Variants in MAP4K3 observed in about 807,000 individuals in gnomAD.
The protein encoded by MAP4K3 is MAPK/ERK kinase kinase kinase 3.
MAP4K3 carries 94 observed loss-of-function variants against 143.5 expected under a neutral mutation model. The ratio of observed to expected loss-of-function variants is 0.65; its 90% CI spans 0.55 to 0.78. The LOEUF (loss-of-function observed/expected upper bound fraction) is 0.78, where lower values mean the gene tolerates loss of function less well. Ranked by LOEUF, MAP4K3 falls within the 30% of genes least tolerant of loss-of-function variation. The pLI, the probability that MAP4K3 is intolerant of heterozygous loss-of-function variation, is 0.00. For synonymous variants in MAP4K3, 416 were observed against 347.2 expected (o/e 1.20, Z -2.20); for missense variants, 1,077 against 1,068.1 (o/e 1.01, Z -0.12).
chr2:39,403,417 C>T (rs1244149455), intron 1 of MAP4K3, among the ~76,000 whole-genome samples: 2 of 152,138 alleles, frequency 1.3e-5, no homozygotes, highest in Admixed American at 6.5e-5. Flanking sequence ...TGCCAACGTC[C>T]CCCATCCACC....
chr2:39,268,568 G>A (rs1222727073), intron 26 of MAP4K3, among the ~76,000 whole-genome samples: 1 of 150,138 alleles, frequency 6.7e-6, no homozygotes, highest in East Asian at 2.0e-4. Flanking sequence ...TGATCCGTCC[G>A]CCTCGGACTC....
chr2:39,377,285 T>G (rs1297091699), intron 2 of MAP4K3, among the ~76,000 whole-genome samples: 1 of 148,448 alleles, frequency 6.7e-6, no homozygotes, highest in East Asian at 2.0e-4. Flanking sequence ...AGCTAAAACT[T>G]GTTTCACCAA....
chr2:39,275,990 A>G (rs1681231711), intron 24 of MAP4K3, among the ~76,000 whole-genome samples: 1 of 152,050 alleles, frequency 6.6e-6, no homozygotes, highest in African/African-American at 2.4e-5. Context: ...CTCCTGTCTC[A>G]GCCTCCTGAG....
chr2:39,411,810 T>C (rs1572501541), intron 1 of MAP4K3, among the ~76,000 whole-genome samples: 1 of 152,170 alleles, frequency 6.6e-6, no homozygotes, highest in African/African-American at 2.4e-5. Context: ...ACGTAATGGC[T>C]TGAGGTTCGA....
At chr2:39,412,251 G>A (rs1222920243) in intron 1 of MAP4K3, among the ~76,000 whole-genome samples, 1 of 152,174 alleles carries the variant, frequency 6.6e-6, no homozygotes, top group Non-Finnish European at 1.5e-5. Context: ...GGATCTACAG[G>A]AGATCGCGCC....
At chr2:39,300,029 G>A (rs1682445254) in intron 15 of MAP4K3, among the ~76,000 whole-genome samples, 1 of 152,066 alleles carries the variant, frequency 6.6e-6, no homozygotes, top group Non-Finnish European at 1.5e-5. Context: ...TATATGCAAA[G>A]TTTCATTTTT....
intron 2 of MAP4K3, among the ~76,000 whole-genome samples, chr2:39,369,735 TAA>T (rs1666030258): frequency 6.6e-6 from 1 of 152,174 alleles, no homozygotes; most frequent in South Asian, 2.1e-4. Context: ...CCACCAAATA[TAA>T]GTTAGGCTAC....
Position 39,278,399 on chromosome 2 carries a change from T to C in MAP4K3, c.1794+8A>G, listed in dbSNP as rs1479032506. The C allele has an allele frequency of 4.6e-6, 7 of 1,515,254 alleles. No individual in the cohort carries two copies. Among genetic ancestry groups the C allele is most frequent in the Non-Finnish European group, 5.4e-6 (6 of 1,112,706 alleles). 93.9% of individuals were successfully genotyped at this position (1,515,254 alleles called of 1,614,324 possible). On this transcript the variant is annotated splice_region_variant and intron_variant, in intron 24 of 33. Transcript: ENST00000263881. ...TTAAAAAAAAAAAGAATATACAAAA[T>C]AACATACCTGTTCCATTGATGTTTC... is the stretch of plus-strand genomic sequence containing the variant.
intron 1 of MAP4K3, among the ~76,000 whole-genome samples, chr2:39,410,291 C>A (rs1218871447): frequency 6.6e-6 from 1 of 152,144 alleles, no homozygotes; most frequent in Non-Finnish European, 1.5e-5. Context: ...CCACAAATAG[C>A]CACAATCAAG....
At chr2:39,421,284 C>G (rs1352378601) in intron 1 of MAP4K3, among the ~76,000 whole-genome samples, 1 of 151,938 alleles carries the variant, frequency 6.6e-6, no homozygotes, top group African/African-American at 2.4e-5. Context: ...ACAGTGACTA[C>G]AAGGCATGGG....
intron 12 of MAP4K3, among the ~76,000 whole-genome samples, chr2:39,324,925 G>A (rs1392487245): frequency 6.6e-6 from 1 of 152,122 alleles, no homozygotes; most frequent in Non-Finnish European, 1.5e-5. Flanking sequence ...TTAGTCACTG[G>A]CAAAGTCAAG....
chr2:39,388,497 T>C (rs1666569874), intron 1 of MAP4K3, among the ~76,000 whole-genome samples: 1 of 152,192 alleles, frequency 6.6e-6, no homozygotes, highest in South Asian at 2.1e-4. Context: ...GCCATGGCCT[T>C]AGATTAAACT....
intron 1 of MAP4K3, among the ~76,000 whole-genome samples, chr2:39,407,539 C>CAGAA (rs1667129759): frequency 6.6e-6 from 1 of 152,106 alleles, no homozygotes; most frequent in Admixed American, 6.5e-5. Context: ...TCTGCCTAAA[C>CAGAA]AGGTTTGTTT....
rs1680075068 is a variant in MAP4K3, at chr2:39,249,675, A to G, written c.*943T>C. The G allele has an allele frequency of 6.6e-6, 1 of 152,552 alleles. No individual in the cohort carries two copies. Among genetic ancestry groups the G allele is most frequent in the Admixed American group, 6.5e-5 (1 of 15,272 alleles). 9.4% of individuals were successfully genotyped at this position (152,552 alleles called of 1,614,324 possible). On this transcript the variant is annotated 3_prime_UTR_variant, in exon 34 of 34. Transcript: ENST00000263881. ...TTCCAAGAGAAATTTGAACCACTTCACTCTATGGAATGTTACAGTTCTTCA... is the reference window on the plus strand; with the variant it reads ...TTCCAAGAGAAATTTGAACCACTTCGCTCTATGGAATGTTACAGTTCTTCA...
rs1447386416 is a variant in MAP4K3, at chr2:39,437,045, G to T, written c.-58C>A. On this transcript the variant is annotated 5_prime_UTR_variant, in exon 1 of 34. Coordinates refer to ENST00000263881, the MANE Select transcript of MAP4K3 (RefSeq NM_003618.4). ...GGGCAGGGGAGGGGGGCCGCTCAGG[G>T]GGCCACACGGAGAGAGGGCGCCGCG... 1 of 1,361,174 alleles carries T rather than the reference G, an allele frequency of 7.3e-7. No homozygotes were observed. The highest frequency in any genetic ancestry group is 2.1e-5 in the Admixed American group (1 of 48,034). The allele number at this position is 1,361,174 out of a possible 1,614,324, so 84.3% of individuals were successfully genotyped here. A position where few individuals can be genotyped will look rare whatever the true frequency, so the allele number is the denominator to read the frequency against.
chr2:39,369,205 GTTT>G (rs68013609), intron 2 of MAP4K3, among the ~76,000 whole-genome samples: 1 of 125,380 alleles, frequency 8.0e-6, no homozygotes, highest in Non-Finnish European at 1.6e-5. Flanking sequence ...TTTTTTTTTT[GTTT>G]TTTTTGAGAT....
intron 1 of MAP4K3, 33 bp downstream of exon 1, chr2:39,436,859 A>G: frequency 6.3e-7 from 1 of 1,576,446 alleles, no homozygotes. Flanking sequence ...TCGGGATCCC[A>G]CGGCCTCGGC....
chr2:39,367,499 C>A (rs756145818), intron 2 of MAP4K3, among the ~76,000 whole-genome samples: 2 of 151,868 alleles, frequency 1.3e-5, no homozygotes, highest in Non-Finnish European at 2.9e-5. Context: ...GTCACTGTGC[C>A]ACTGCACTCC....
At chr2:39,436,815 G>A (rs530136621) in intron 1 of MAP4K3, 77 bp downstream of exon 1, 2 of 1,289,070 alleles carry the variant, frequency 1.6e-6, no homozygotes, top group African/African-American at 1.5e-5. Context: ...GAGGACAGGC[G>A]GCAAGGGCTC....
Sources: allele counts gnomAD v4.1 joint callset (sites outside exome capture counted in the v4.1 genomes callset), GRCh38; gene constraint gnomAD v4.1.1; transcripts MANE v1.5; gene names NCBI Gene and HGNC (gene_info 2026-07-23, HGNC 2026-07-21).